PRKN: variants seen among roughly 807,000 people sequenced by gnomAD.
The protein encoded by PRKN is E3 ubiquitin-protein ligase parkin.
Under a neutral mutation model 59.5 loss-of-function variants are expected in PRKN, and 56 were observed. The observed-to-expected ratio is 0.94, with a 90% CI of 0.76 to 1.18. The LOEUF is 1.18. PRKN is among the 50% of genes most tolerant of loss of function. PRKN has a pLI of 0.00. For synonymous variants in PRKN, 250 were observed against 222.1 expected (o/e 1.13, Z -1.12); for missense variants, 657 against 596.4 (o/e 1.10, Z -1.06).
rs771333924 is a variant in PRKN at position 161,507,493 on chromosome 6, G to A, written c.1083+41361C>T. On this transcript the variant is annotated intron_variant, in intron 9 of 11. Coordinates refer to ENST00000366898, the MANE Select transcript of PRKN (RefSeq NM_004562.3). ...GAAGGTGGCTATGGGGTGGGGAACCGCCAATTATAATCTACAATCTCTTTT... is the reference window on the plus strand; with the variant it reads ...GAAGGTGGCTATGGGGTGGGGAACCACCAATTATAATCTACAATCTCTTTT... 7.7e-4 allele frequency among the ~76,000 whole-genome samples: 117 copies of A among 152,216 alleles called. 1 individual carries two copies. Among genetic ancestry groups the A allele is most frequent in the Admixed American group, 2.2e-3 (34 of 15,290 alleles).
intron 7 of PRKN, among the ~76,000 whole-genome samples, chr6:161,635,648 T>C (rs1479527083): frequency 6.6e-6 from 1 of 152,190 alleles, no homozygotes; most frequent in African/African-American, 2.4e-5. Flanking sequence ...TTGGGTTTTA[T>C]TTTGCTGCTT....
chr6:161,908,689 T>C (rs1434199283), intron 6 of PRKN, among the ~76,000 whole-genome samples: 2 of 151,796 alleles, frequency 1.3e-5, no homozygotes, highest in Non-Finnish European at 2.9e-5. Context: ...ACCAGTTCTA[T>C]AATTTGGACA....
chr6:162,410,542 TC>T (rs1485531073), intron 2 of PRKN, among the ~76,000 whole-genome samples: 1 of 152,136 alleles, frequency 6.6e-6, no homozygotes, highest in Non-Finnish European at 1.5e-5. Context: ...CTGAAAAGCC[TC>T]CTTTTGTTTT....
intron 6 of PRKN, among the ~76,000 whole-genome samples, chr6:161,840,335 C>G (rs1051362819): frequency 6.6e-6 from 1 of 152,208 alleles, no homozygotes; most frequent in Non-Finnish European, 1.5e-5. Context: ...GAATCAGCAG[C>G]TAAAGTGCAT....
At chr6:162,241,027 C>A (rs1189158510) in intron 3 of PRKN, among the ~76,000 whole-genome samples, 1 of 152,180 alleles carries the variant, frequency 6.6e-6, no homozygotes, top group South Asian at 2.1e-4. Flanking sequence ...TTGGAGTTGA[C>A]TTTTTAAATT....
chr6:161,505,492 G>C (rs1365887159), intron 9 of PRKN, among the ~76,000 whole-genome samples: 5 of 151,866 alleles, frequency 3.3e-5, no homozygotes, highest in Non-Finnish European at 7.4e-5. Context: ...TCACTCTGAT[G>C]GTAGTTTCTT....
At chr6:162,211,130 G>A (rs1388855733) in intron 3 of PRKN, among the ~76,000 whole-genome samples, 1 of 152,104 alleles carries the variant, frequency 6.6e-6, no homozygotes, top group African/African-American at 2.4e-5. Context: ...TGAGTCAGAC[G>A]GTGGACTTTA....
At position 161,575,719 on chromosome 6, in the gene PRKN, C is replaced by T. The variant is rs1781105629; in HGVS notation, c.872-6303G>A. Among the ~76,000 whole-genome samples, 1 of 152,132 alleles carries T rather than the reference C, an allele frequency of 6.6e-6. No homozygotes were observed. The highest frequency in any genetic ancestry group is 2.4e-5 in the African/African-American group (1 of 41,406). Reference sequence around the variant, plus strand: ...TGCTCCTGGCACTGGTCACATGACACAAATAATCTGCAATTTGCAGATTGC... The same window carrying T: ...TGCTCCTGGCACTGGTCACATGACATAAATAATCTGCAATTTGCAGATTGC... On this transcript the variant is annotated intron_variant, in intron 7 of 11. Transcript: ENST00000366898. This position sits in a 1 kb window ranked among gnomAD's most constrained non-coding sequence, Gnocchi z 4.6.
At chr6:162,222,468 G>A in intron 3 of PRKN, among the ~76,000 whole-genome samples, 1 of 152,146 alleles carries the variant, frequency 6.6e-6, no homozygotes. Context: ...GGGCATTGCA[G>A]GAGCCTCAAG....
intron 4 of PRKN, among the ~76,000 whole-genome samples, chr6:162,102,335 C>A (rs1051006497): frequency 3.3e-5 from 5 of 152,140 alleles, no homozygotes; most frequent in African/African-American, 1.2e-4. Flanking sequence ...TAAGACTATG[C>A]CTTGCATTTA....
chr6:162,179,108 GGCTTCAA>G (rs780261298), intron 4 of PRKN, among the ~76,000 whole-genome samples: 3 of 152,120 alleles, frequency 2.0e-5, no homozygotes, highest in Non-Finnish European at 2.9e-5. Context: ...TCAAACTTCT[GGCTTCAA>G]GCAACGCTCC....
chr6:162,697,073 A>C (rs1777997783), intron 1 of PRKN, among the ~76,000 whole-genome samples: 1 of 152,150 alleles, frequency 6.6e-6, no homozygotes, highest in African/African-American at 2.4e-5. Flanking sequence ...TCAGACTCCA[A>C]ATATTTGCTT....
At chr6:162,727,578 T>C in intron 1 of PRKN, 84 bp downstream of exon 1, 2 of 1,403,696 alleles carry the variant, frequency 1.4e-6, no homozygotes, top group African/African-American at 2.9e-5. Context: ...GCACCGGGGG[T>C]CCTGGTCGGC....
chr6:161,684,559 A>G (rs1055078354), intron 7 of PRKN, among the ~76,000 whole-genome samples: 2 of 152,194 alleles, frequency 1.3e-5, no homozygotes, highest in Non-Finnish European at 2.9e-5. Flanking sequence ...TAATTATTCC[A>G]ACACCAATAA....
intron 6 of PRKN, among the ~76,000 whole-genome samples, chr6:161,935,283 G>A (rs1779312890): frequency 6.6e-6 from 1 of 151,868 alleles, no homozygotes; most frequent in African/African-American, 2.4e-5. Flanking sequence ...GGTGTGGTTG[G>A]TTGCTCACAC....
intron 2 of PRKN, among the ~76,000 whole-genome samples, chr6:162,317,922 A>C (rs991095222): frequency 6.6e-6 from 1 of 151,860 alleles, no homozygotes; most frequent in Admixed American, 6.6e-5. Flanking sequence ...TAAAATATAT[A>C]TATAATCTAC....
At chr6:162,483,988 T>C (rs1387319232) in intron 1 of PRKN, among the ~76,000 whole-genome samples, 2 of 152,186 alleles carry the variant, frequency 1.3e-5, no homozygotes, top group Non-Finnish European at 2.9e-5. Context: ...TGTAGAGATA[T>C]TTCCACTGAA....
intron 5 of PRKN, among the ~76,000 whole-genome samples, chr6:162,000,516 T>C (rs550695436): frequency 3.3e-5 from 5 of 152,230 alleles, no homozygotes; most frequent in African/African-American, 1.2e-4. Context: ...TTTTGTATTG[T>C]TGAGTTTTTA....
intron 7 of PRKN, among the ~76,000 whole-genome samples, chr6:161,632,152 T>C (rs370505465): frequency 2.7e-4 from 41 of 152,348 alleles, no homozygotes; most frequent in South Asian, 2.5e-3. Context: ...TGGCTCAACA[T>C]GGCAGAGAGG....
Sources: allele counts gnomAD v4.1 joint callset (sites outside exome capture counted in the v4.1 genomes callset), GRCh38; gene constraint gnomAD v4.1.1; non-coding constraint Gnocchi (gnomAD v3.1); transcripts MANE v1.5; gene names NCBI Gene and HGNC (gene_info 2026-07-23, HGNC 2026-07-21).